The following DLGAP1 variants were observed in gnomAD, a reference collection of about 807,000 sequenced individuals.
The protein encoded by DLGAP1 is disks large-associated protein 1.
DLGAP1 carries 11 observed loss-of-function variants against 90.8 expected under a neutral mutation model. The ratio of observed to expected loss-of-function variants is 0.12; its 90% CI spans 0.08 to 0.20. DLGAP1 has a LOEUF of 0.20. DLGAP1 is among the 10% of genes least tolerant of loss of function. The pLI, the probability that DLGAP1 is intolerant of heterozygous loss-of-function variation, is 1.00. For synonymous variants in DLGAP1, 558 were observed against 540.7 expected (o/e 1.03, Z -0.44); for missense variants, 1,050 against 1,333.8 (o/e 0.79, Z 3.31).
intron 3 of DLGAP1, among the ~76,000 whole-genome samples, chr18:3,963,826 A>G (rs978238760): frequency 6.6e-6 from 1 of 152,134 alleles, no homozygotes; most frequent in African/African-American, 2.4e-5. Flanking sequence ...CACTGGCCAC[A>G]TGTGACCATT....
chr18:4,143,955 A>T (rs1470841385), intron 2 of DLGAP1, among the ~76,000 whole-genome samples: 1 of 152,066 alleles, frequency 6.6e-6, no homozygotes, highest in Admixed American at 6.5e-5. Context: ...GTCCTAGCCT[A>T]CTGTGGTTGT....
intron 5 of DLGAP1, among the ~76,000 whole-genome samples, chr18:3,805,748 T>C (rs1390402878): frequency 6.6e-6 from 1 of 152,208 alleles, no homozygotes. Context: ...TATATAGATA[T>C]TTTGTCTGTC....
intron 4 of DLGAP1, among the ~76,000 whole-genome samples, chr18:3,852,832 T>A (rs1263202594): frequency 6.6e-6 from 1 of 152,136 alleles, no homozygotes; most frequent in Non-Finnish European, 1.5e-5. Context: ...TTCTTTTTGT[T>A]AATAAATAAT....
At chr18:3,844,493 A>G (rs1386096671) in intron 4 of DLGAP1, among the ~76,000 whole-genome samples, 1 of 152,208 alleles carries the variant, frequency 6.6e-6, no homozygotes, top group Non-Finnish European at 1.5e-5. Flanking sequence ...TAAGTGCCTC[A>G]TCACTTCTTG....
At chr18:3,770,125 C>G (rs1031446820) in intron 5 of DLGAP1, 8 of 152,020 alleles carry the variant, frequency 5.3e-5, no homozygotes, top group African/African-American at 1.9e-4. Flanking sequence ...CATGATGAAC[C>G]AGGGTCTGTG....
At chr18:4,021,021 G>A (rs141264425) in intron 2 of DLGAP1, among the ~76,000 whole-genome samples, 5 of 151,964 alleles carry the variant, frequency 3.3e-5, no homozygotes, top group Admixed American at 1.3e-4. Context: ...AACTCACTTC[G>A]GCGCCTTACG....
chr18:4,295,429 A>G (rs1010732324), intron 1 of DLGAP1: 1 of 152,204 alleles, frequency 6.6e-6, no homozygotes, highest in Admixed American at 6.5e-5. Flanking sequence ...TCTAAAGTAG[A>G]TATCATGTCT....
At chr18:4,003,583 T>C (rs1048163365) in intron 3 of DLGAP1, among the ~76,000 whole-genome samples, 5 of 151,848 alleles carry the variant, frequency 3.3e-5, no homozygotes, top group Non-Finnish European at 5.9e-5. Context: ...AGGTATTGAA[T>C]GGGAAAGTTT....
At chr18:3,630,839 A>G (rs2146180732) in intron 7 of DLGAP1, among the ~76,000 whole-genome samples, 1 of 152,332 alleles carries the variant, frequency 6.6e-6, no homozygotes, top group Non-Finnish European at 1.5e-5. Flanking sequence ...TCTTGGCTGT[A>G]TGTGGCACTT....
intron 3 of DLGAP1, among the ~76,000 whole-genome samples, chr18:3,932,606 A>G (rs2072544711): frequency 6.6e-6 from 1 of 152,166 alleles, no homozygotes; most frequent in South Asian, 2.1e-4. Context: ...TGACAAGGGC[A>G]GCAAGGACAG....
chr18:3,931,180 C>T (rs529685093), intron 3 of DLGAP1, among the ~76,000 whole-genome samples: 133 of 152,298 alleles, frequency 8.7e-4, no homozygotes, highest in Non-Finnish European at 1.2e-3. Flanking sequence ...TTCAGCTTCT[C>T]GCCGGCATCT....
intron 5 of DLGAP1, among the ~76,000 whole-genome samples, chr18:3,755,167 A>AT (rs1224472425): frequency 6.6e-6 from 1 of 152,078 alleles, no homozygotes; most frequent in Non-Finnish European, 1.5e-5. Context: ...AAACCAAAGG[A>AT]TTTTTTCACT....
intron 1 of DLGAP1, among the ~76,000 whole-genome samples, chr18:4,433,859 A>T (rs894548435): frequency 1.3e-5 from 2 of 152,196 alleles, no homozygotes; most frequent in Non-Finnish European, 2.9e-5. Flanking sequence ...TGCCAAAAAA[A>T]ATCAGTGATT....
chr18:3,785,890 T>G (rs2065428293), intron 5 of DLGAP1, among the ~76,000 whole-genome samples: 1 of 152,192 alleles, frequency 6.6e-6, no homozygotes, highest in Admixed American at 6.5e-5. Flanking sequence ...TGAGGCTACT[T>G]CTGTAGTTCA....
intron 1 of DLGAP1, among the ~76,000 whole-genome samples, chr18:4,447,080 C>T (rs947585166): frequency 6.6e-6 from 1 of 152,190 alleles, no homozygotes; most frequent in African/African-American, 2.4e-5. Flanking sequence ...CTGTTGGGAT[C>T]ATAAATAGGT....
rs8082905 is a variant in DLGAP1 at position 3,975,758 on chromosome 18, C to G, written c.-73+29358G>C. Among the ~76,000 whole-genome samples the G allele has an allele frequency of 3.9e-5, 6 of 152,284 alleles. 1 individual carries two copies. The East Asian group carries it at 1.2e-3, about 29-fold the overall frequency. The stretch of plus-strand genomic sequence containing the variant: ...TTTAGCCTTAAAAAGCCAGGAAATT[C>G]TGACACATCCTACGACATGGATGAA... On this transcript the variant is annotated intron_variant, in intron 3 of 12. Coordinates refer to ENST00000315677, the MANE Select transcript of DLGAP1 (RefSeq NM_004746.4).
At chr18:3,856,704 A>G (rs1325607528) in intron 4 of DLGAP1, among the ~76,000 whole-genome samples, 2 of 152,202 alleles carry the variant, frequency 1.3e-5, no homozygotes, top group South Asian at 2.1e-4. Flanking sequence ...TACTAAAAAT[A>G]CAAAAAATTA....
chr18:4,236,610 AT>A (rs541467946), intron 1 of DLGAP1, among the ~76,000 whole-genome samples: 158 of 152,090 alleles, frequency 1.0e-3, no homozygotes, highest in African/African-American at 3.5e-3. Flanking sequence ...TTTTATAAAT[AT>A]TTTTTTCCCT....
intron 1 of DLGAP1, among the ~76,000 whole-genome samples, chr18:4,410,707 C>A (rs897079302): frequency 6.6e-6 from 1 of 150,384 alleles, no homozygotes; most frequent in Admixed American, 6.6e-5. Context: ...TATATATAAT[C>A]AAAAGATGGA....
Sources: gnomAD v4.1 joint callset for allele counts (sites outside exome capture counted in the v4.1 genomes callset) on GRCh38, gnomAD v4.1.1 for gene constraint, MANE v1.5 for transcripts, NCBI Gene and HGNC (gene_info 2026-07-23, HGNC 2026-07-21) for gene names.